The following CACNA1D variants were observed in gnomAD, a reference collection of about 807,000 sequenced individuals.
CACNA1D encodes the protein voltage-dependent L-type calcium channel subunit alpha-1D.
In CACNA1D, 55 loss-of-function variants were observed where a neutral mutation model predicts 257.1. That is an observed-to-expected ratio of 0.21 (90% CI 0.17 to 0.27). The LOEUF is 0.27. CACNA1D is among the 10% of genes least tolerant of loss of function. The probability of loss-of-function intolerance (pLI) is 1.00; values close to 1 mark genes in which losing one functional copy is unlikely to be tolerated. For missense variants in CACNA1D, 1,876 were observed against 2,784.0 expected, an observed-to-expected ratio of 0.67 and a Z score of 7.34; for synonymous variants, 980 against 1,014.9, an observed-to-expected ratio of 0.97 and a Z score of 0.65.
chr3:53,811,597 C>A lies in CACNA1D; in HGVS notation c.*191C>A. The A allele has an allele frequency of 1.8e-6, 1 of 548,100 alleles. No homozygotes were observed. The highest frequency in any genetic ancestry group is 3.1e-5 in the East Asian group (1 of 32,786). 34.0% of individuals were successfully genotyped at this position (548,100 alleles called of 1,614,324 possible). A position where few individuals can be genotyped will look rare whatever the true frequency, so the allele number is the denominator to read the frequency against. ...AGGAACAGGTCCCAAGCGGTTGAGCCTGGCAGAGTACCATGCGCTCGGCCC... is the reference window on the plus strand; with the variant it reads ...AGGAACAGGTCCCAAGCGGTTGAGCATGGCAGAGTACCATGCGCTCGGCCC... On this transcript the variant is annotated 3_prime_UTR_variant, in exon 48 of 48. Transcript: ENST00000350061. This position sits in a 1 kb window ranked among gnomAD's most constrained non-coding sequence, Gnocchi z 4.2.
chr3:53,747,430 C>A lies in CACNA1D; in HGVS notation c.3296C>A (p.Thr1099Lys). ...SAMMALFTVS[T>K]FEGWPALLYK... ...ATGATGGCGCTCTTCACAGTCTCCA[C>A]GTTTGAGGGCTGGCCTGCGTAAGTA... Residue 1099 changes from threonine (T) to lysine (K), a missense_variant, in exon 26 of 48, where the codon ACG becomes AAG. Coordinates refer to ENST00000350061, the MANE Select transcript of CACNA1D (RefSeq NM_001128840.3). The A allele has an allele frequency of 1.2e-6, 2 of 1,614,236 alleles. No homozygotes were observed. Among genetic ancestry groups the A allele is most frequent in the Non-Finnish European group, 1.7e-6 (2 of 1,180,022 alleles).
intron 4 of CACNA1D, among the ~76,000 whole-genome samples, chr3:53,656,860 A>G (rs2094152049): frequency 6.6e-6 from 1 of 152,226 alleles, no homozygotes; most frequent in Non-Finnish European, 1.5e-5. Flanking sequence ...CAGTGACAGT[A>G]CTGCATACCC....
chr3:53,764,673 C>T (rs374804130), intron 30 of CACNA1D, among the ~76,000 whole-genome samples: 5 of 152,238 alleles, frequency 3.3e-5, no homozygotes, highest in Admixed American at 6.5e-5. Context: ...CTGCTCCTCC[C>T]GCTGCCCCTG....
rs571477667 is a variant in CACNA1D at position 53,681,515 on chromosome 3, C to T, written c.1220+8389C>T. On this transcript the variant is annotated intron_variant, in intron 8 of 47. Coordinates refer to ENST00000350061, the MANE Select transcript of CACNA1D (RefSeq NM_001128840.3). ...TTCCTACACAGTGGTAGATGTATGC[C>T]AAGTGCCCTGCTAGGCACTGGGGTT... 2.0e-5 allele frequency among the ~76,000 whole-genome samples: 3 copies of T among 152,176 alleles called. No homozygotes were observed. In the South Asian group the frequency reaches 6.2e-4, roughly 32 times the overall value.
chr3:53,691,776 T>A (rs1287824168), intron 8 of CACNA1D, among the ~76,000 whole-genome samples: 52 of 64,856 alleles, frequency 8.0e-4, no homozygotes, highest in African/African-American at 3.1e-3. Context: ...ATATATATAT[T>A]ATATCTATAA....
intron 3 of CACNA1D, among the ~76,000 whole-genome samples, chr3:53,616,961 G>A (rs11916363): frequency 0.019 from 2,842 of 152,188 alleles, 96 homozygotes; most frequent in African/African-American, 0.064. Context: ...TTTGCACGTA[G>A]TTGAGGCAGT....
At chr3:53,801,478 G>C (rs747091000) in intron 42 of CACNA1D, 53 bp downstream of exon 42, 2 of 1,606,404 alleles carry the variant, frequency 1.2e-6, no homozygotes, top group East Asian at 2.2e-5. Flanking sequence ...CCCGTGTTGC[G>C]TCTAGTCCCA....
intron 3 of CACNA1D, among the ~76,000 whole-genome samples, chr3:53,531,860 A>G (rs1481858737): frequency 6.6e-6 from 1 of 152,176 alleles, no homozygotes; most frequent in East Asian, 1.9e-4. Context: ...TTTTTCTTAA[A>G]AGAACAAGGA....
intron 3 of CACNA1D, among the ~76,000 whole-genome samples, chr3:53,577,416 C>T (rs1333402753): frequency 6.6e-6 from 1 of 152,162 alleles, no homozygotes; most frequent in Non-Finnish European, 1.5e-5. Context: ...TAGCCACTGG[C>T]AGCCCTGGAT....
chr3:53,535,041 C>T (rs892161250), intron 3 of CACNA1D, among the ~76,000 whole-genome samples: 1 of 152,116 alleles, frequency 6.6e-6, no homozygotes, highest in Non-Finnish European at 1.5e-5. Context: ...CTCCGTAAAC[C>T]CCAGTTTGTA....
At position 53,644,076 on chromosome 3, in the gene CACNA1D, G is replaced by A. The variant is rs1051488947; in HGVS notation, c.484-6703G>A. On this transcript the variant is annotated intron_variant, in intron 3 of 47. Coordinates refer to ENST00000350061, the MANE Select transcript of CACNA1D (RefSeq NM_001128840.3). ...CATTTATTTATTCATTTATAAATGC[G>A]GAATATCTATTTTTGTGACAGGCCT... 3.3e-5 allele frequency among the ~76,000 whole-genome samples: 5 copies of A among 152,254 alleles called. No individual in the cohort carries two copies. In the East Asian group the frequency reaches 5.8e-4, roughly 18 times the overall value.
At chr3:53,574,672 C>G (rs946528966) in intron 3 of CACNA1D, among the ~76,000 whole-genome samples, 1 of 151,750 alleles carries the variant, frequency 6.6e-6, no homozygotes, top group Non-Finnish European at 1.5e-5. Context: ...CCAGCACACT[C>G]ACACCCCCCA....
intron 10 of CACNA1D, 114 bp downstream of exon 10, chr3:53,718,502 G>C: frequency 9.1e-7 from 1 of 1,098,192 alleles, no homozygotes; most frequent in Non-Finnish European, 1.4e-6. Context: ...TGGGTGTGGC[G>C]GGTGGGAAGG....
intron 3 of CACNA1D, among the ~76,000 whole-genome samples, chr3:53,573,023 T>C (rs1035414773): frequency 1.3e-5 from 2 of 152,204 alleles, no homozygotes; most frequent in Non-Finnish European, 2.9e-5. Context: ...GAATGATAAA[T>C]ATTTGTTGCC....
intron 8 of CACNA1D, among the ~76,000 whole-genome samples, chr3:53,680,299 G>A (rs563085698): frequency 6.6e-6 from 1 of 152,230 alleles, no homozygotes; most frequent in South Asian, 2.1e-4. Flanking sequence ...AGATTCAGTA[G>A]AGCTCTCACT....
intron 5 of CACNA1D, among the ~76,000 whole-genome samples, chr3:53,663,755 GT>G (rs1004162686): frequency 1.5e-4 from 23 of 151,962 alleles, no homozygotes; most frequent in African/African-American, 5.6e-4. Context: ...GGCAGCAAAA[GT>G]TTTAAATGTA....
intron 3 of CACNA1D, among the ~76,000 whole-genome samples, chr3:53,555,452 GTGTGTGTGTTTTTTT>G (rs1197922994): frequency 2.8e-5 from 3 of 108,336 alleles, no homozygotes; most frequent in Non-Finnish European, 5.6e-5. Flanking sequence ...GTGTGTGTGT[GTGTGTGTGTTTTTTT>G]TTTTTTTTTT....
intron 3 of CACNA1D, among the ~76,000 whole-genome samples, chr3:53,547,903 A>G (rs1380766226): frequency 2.0e-5 from 3 of 152,138 alleles, no homozygotes; most frequent in Non-Finnish European, 4.4e-5. Flanking sequence ...TCTCCTGAGG[A>G]TGTATTAAAT....
chr3:53,718,183 T>G (rs1307163773), intron 9 of CACNA1D, 118 bp from the exon 10 acceptor site: 5 of 860,632 alleles, frequency 5.8e-6, no homozygotes, highest in Non-Finnish European at 9.9e-6. Context: ...CTGAGGGCCC[T>G]TTTCACCCTC....
Sources: gnomAD v4.1 joint callset for allele counts (sites outside exome capture counted in the v4.1 genomes callset) on GRCh38, gnomAD v4.1.1 for gene constraint, Gnocchi (gnomAD v3.1) non-coding constraint, MANE v1.5 for transcripts, NCBI Gene and HGNC (gene_info 2026-07-23, HGNC 2026-07-21) for gene names.